SULF2: variants seen among roughly 807,000 people sequenced by gnomAD.
The protein encoded by SULF2 is sulfatase 2.
In SULF2, 52 loss-of-function variants were observed where a neutral mutation model predicts 107.7. That is an observed-to-expected ratio of 0.48 (90% CI 0.39 to 0.61). SULF2 has a LOEUF of 0.61. Among genes scored for constraint, SULF2 ranks in the 20% least tolerant of loss-of-function variants. The pLI is 0.00. For missense variants in SULF2, 993 were observed against 1,177.3 expected, an observed-to-expected ratio of 0.84 and a Z score of 2.29; for synonymous variants, 460 against 464.3, an observed-to-expected ratio of 0.99 and a Z score of 0.12.
intron 1 of SULF2, among the ~76,000 whole-genome samples, chr20:47,779,997 A>T (rs935222905): frequency 7.1e-6 from 1 of 141,164 alleles, no homozygotes; most frequent in Non-Finnish European, 1.5e-5. Context: ...CTTACTCCTG[A>T]CCCTCTACCC....
In SULF2 at chr20:47,680,440, G is replaced by C. The variant is rs2087786003; in HGVS notation, c.1065-1636C>G. Among the ~76,000 whole-genome samples, 1 of 152,260 alleles carries C rather than the reference G, an allele frequency of 6.6e-6. No homozygotes were observed. Among genetic ancestry groups the C allele is most frequent in the Non-Finnish European group, 1.5e-5 (1 of 68,048 alleles). ...TGATGGCATTCCCAATGTAGGGTAA[G>C]GGACTTAAGGGGTGTGCCCAGCACA... On this transcript the variant is annotated intron_variant, in intron 7 of 20. Transcript: ENST00000688720. This position sits in a 1 kb window ranked among gnomAD's most constrained non-coding sequence, Gnocchi z 4.2.
rs755273779 is a variant in SULF2 at position 47,702,533 on chromosome 20, A to T, written c.553T>A (p.Ser185Thr). 1 of 1,612,440 alleles carries T rather than the reference A, an allele frequency of 6.2e-7. No individual in the cohort carries two copies. Reference protein sequence around the residue: ...CRNGVKEKHGSDYSKDYLTDL... With the variant: ...CRNGVKEKHGTDYSKDYLTDL... ...TTGCAGCTTACCTTGGAGTAGTCGG[A>T]GCCGTGCTTCTCTTTCACCCCGTTC... Residue 185 changes from serine (S) to threonine (T), a missense_variant, in exon 4 of 21, where the codon TCC becomes ACC. Physicochemically the swap from Ser to Thr is moderately conservative, Grantham distance 58. This residue lies in a region of SULF2 where 388 missense variants were observed against 449.2 expected (regional missense o/e 0.86). Transcript: ENST00000688720.
chr20:47,745,418 T>A (rs867271596), intron 2 of SULF2, among the ~76,000 whole-genome samples: 44 of 4,072 alleles, frequency 0.011, 1 homozygote, highest in Non-Finnish European at 0.014. Flanking sequence ...AAAATATATA[T>A]ATATATATAT....
intron 2 of SULF2, among the ~76,000 whole-genome samples, chr20:47,748,394 C>T (rs1449846799): frequency 8.5e-5 from 13 of 152,252 alleles, no homozygotes; most frequent in African/African-American, 3.1e-4. Context: ...GGGAGCTGCC[C>T]TCACTGGGAC....
intron 2 of SULF2, among the ~76,000 whole-genome samples, chr20:47,745,398 AAAAAAAAAAAAAATATATATAT>A (rs1482180898): frequency 1.6e-3 from 47 of 29,390 alleles, no homozygotes; most frequent in African/African-American, 2.8e-3. Context: ...AAAAAAAAAA[AAAAAAAAAAAAAATATATATAT>A]ATATATATAT....
At chr20:47,724,411 A>G (rs1474798203) in intron 3 of SULF2, among the ~76,000 whole-genome samples, 1 of 152,016 alleles carries the variant, frequency 6.6e-6, no homozygotes, top group East Asian at 1.9e-4. Context: ...GCTGCGGGGG[A>G]CACCAAGGCC....
At position 47,684,390 on chromosome 20, in the gene SULF2, T is replaced by G. The variant is rs776599928; in HGVS notation, c.888+41A>C. 1.9e-6 allele frequency: 3 copies of G among 1,562,084 alleles called. No individual in the cohort carries two copies. In the African/African-American group the frequency reaches 4.1e-5, roughly 21 times the overall value. ...TCTCGGCCCTGGCCTGGCTGGGGGT[T>G]CGGAGCCACGCCCACCAAGAGGCAT... is the stretch of plus-strand genomic sequence containing the variant. On this transcript the variant is annotated intron_variant, in intron 6 of 20. Transcript: ENST00000688720.
At chr20:47,757,152 AG>A (rs1001008418) in intron 2 of SULF2, 36 bp downstream of exon 2, 1 of 1,520,488 alleles carries the variant, frequency 6.6e-7, no homozygotes, top group African/African-American at 1.4e-5. Context: ...CCCTGCTCCG[AG>A]GGGCCGAGGT....
At chr20:47,782,315 G>C (rs1480234563) in intron 1 of SULF2, among the ~76,000 whole-genome samples, 1 of 152,158 alleles carries the variant, frequency 6.6e-6, no homozygotes, top group Non-Finnish European at 1.5e-5. Context: ...CCCCAATTAG[G>C]CAACCATGCC....
At chr20:47,785,754 G>A (rs945808923), upstream of SULF2, 1 of 147,922 alleles carries the variant, frequency 6.8e-6, no homozygotes, top group African/African-American at 2.4e-5. Flanking sequence ...CGGGCCGGGA[G>A]CCGCGGACGG....
chr20:47,781,622 G>C (rs1377938049), intron 1 of SULF2, among the ~76,000 whole-genome samples: 1 of 152,102 alleles, frequency 6.6e-6, no homozygotes, highest in African/African-American at 2.4e-5. Context: ...CTAAGTTATG[G>C]TAACAGTCAA....
chr20:47,767,162 C>G (rs2090543520), intron 1 of SULF2, among the ~76,000 whole-genome samples: 1 of 152,196 alleles, frequency 6.6e-6, no homozygotes, highest in Non-Finnish European at 1.5e-5. Context: ...AACCTCTTGT[C>G]TTCTCAGTGA....
upstream of SULF2, chr20:47,785,796 G>A (rs1368868398): frequency 6.7e-6 from 1 of 149,744 alleles, no homozygotes; most frequent in Non-Finnish European, 1.5e-5. Context: ...GCCCAGCCGC[G>A]GTGCCCTCCT....
In SULF2 at chr20:47,684,564, T is replaced by C. The variant is rs1445409194; in HGVS notation, c.755A>G (p.Tyr252Cys). Reference protein sequence around the residue: ...ASQHITPSYNYAPNPDKHWIM... With the variant: ...ASQHITPSYNCAPNPDKHWIM... ...CCAGTGTTTGTCCGGGTTGGGCGCG[T>C]AGTTGTAGCTCGGCGTGCTGGTGGG... is the stretch of plus-strand genomic sequence containing the variant. The change falls in exon 6 of 21, where the codon TAC becomes TGC. Residue 252 changes from tyrosine to cysteine, a missense_variant. Tyr to Cys is a radical substitution (Grantham distance 194, BLOSUM62 -2). Coordinates refer to ENST00000688720, the MANE Select transcript of SULF2 (RefSeq NM_001387048.1). 2 of 1,613,844 alleles carry C rather than the reference T, an allele frequency of 1.2e-6. No individual in the cohort carries two copies. The highest frequency in any genetic ancestry group is 1.7e-6 in the Non-Finnish European group (2 of 1,179,900).
intron 11 of SULF2, among the ~76,000 whole-genome samples, chr20:47,671,335 C>A (rs2087463637): frequency 6.6e-6 from 1 of 152,152 alleles, no homozygotes; most frequent in African/African-American, 2.4e-5. Context: ...GAGACCGAGT[C>A]TCACTCTGTC....
intron 2 of SULF2, among the ~76,000 whole-genome samples, chr20:47,750,710 T>C (rs2090140552): frequency 6.6e-6 from 1 of 152,238 alleles, no homozygotes; most frequent in South Asian, 2.1e-4. Context: ...CAAAGGCTCA[T>C]GCCTTGCACG....
chr20:47,748,984 C>T (rs551826903), intron 2 of SULF2, among the ~76,000 whole-genome samples: 7 of 151,312 alleles, frequency 4.6e-5, no homozygotes, highest in South Asian at 2.1e-4. Flanking sequence ...AAGATCTATT[C>T]GTGTTGCATG....
rs763698817 is a variant in SULF2 at position 47,736,912 on chromosome 20, C to T, written c.206G>A (p.Arg69His). The change falls in exon 3 of 21, where the codon CGC becomes CAC. Residue 69 changes from arginine to histidine, a missense_variant. Transcript: ENST00000688720. Reference protein sequence around the residue: ...GSMQVMNKTRRIMEQGGAHFI... With the variant: ...GSMQVMNKTRHIMEQGGAHFI... ...GTGCGCCCCGCCCTGCTCCATGATG[C>T]GCCGGGTCTTGTTCATCACCTGCAT... 5.0e-6 allele frequency: 8 copies of T among 1,614,204 alleles called. No individual in the cohort carries two copies. The Admixed American group carries it at 5.0e-5, about 10-fold the overall frequency.
intron 13 of SULF2, 104 bp from the exon 14 acceptor site, chr20:47,665,397 G>A (rs553171218): frequency 2.4e-6 from 2 of 821,058 alleles, no homozygotes; most frequent in Non-Finnish European, 4.2e-6. Context: ...CTCAGCAGCG[G>A]CAGCCTGCAC....
Sources: allele counts gnomAD v4.1 joint callset (sites outside exome capture counted in the v4.1 genomes callset), GRCh38; gene constraint gnomAD v4.1.1; regional missense constraint gnomAD v4.1.1; non-coding constraint Gnocchi (gnomAD v3.1); transcripts MANE v1.5; gene names NCBI Gene and HGNC (gene_info 2026-07-23, HGNC 2026-07-21).